Variants in EPHA4 observed in about 807,000 individuals in gnomAD.
The protein encoded by EPHA4 is ephrin type-A receptor 4.
A neutral mutation model predicts 108.3 loss-of-function variants in EPHA4; 19 were observed. The observed-to-expected ratio is 0.18, with a 90% CI of 0.12 to 0.26. The LOEUF is 0.26. Ranked by LOEUF, EPHA4 falls within the 10% of genes least tolerant of loss-of-function variation. The probability of loss-of-function intolerance (pLI) is 1.00; values close to 1 mark genes in which losing one functional copy is unlikely to be tolerated. For synonymous variants in EPHA4, 449 were observed against 455.5 expected, an observed-to-expected ratio of 0.99 and a Z score of 0.18; for missense variants, 917 against 1,254.0, an observed-to-expected ratio of 0.73 and a Z score of 4.06.
chr2:221,486,406 G>C (rs887469343), intron 4 of EPHA4, among the ~76,000 whole-genome samples: 1 of 152,044 alleles, frequency 6.6e-6, no homozygotes, highest in African/African-American at 2.4e-5. Flanking sequence ...TTCCATGTCT[G>C]TTTCTATCAC....
At chr2:221,440,345 C>T (rs1452803401) in intron 11 of EPHA4, among the ~76,000 whole-genome samples, 1 of 152,144 alleles carries the variant, frequency 6.6e-6, no homozygotes, top group Non-Finnish European at 1.5e-5. Flanking sequence ...TGCAGAGGTG[C>T]TAGGAAAATC....
chr2:221,443,237 T>C (rs1264763974), intron 10 of EPHA4, among the ~76,000 whole-genome samples: 2 of 150,260 alleles, frequency 1.3e-5, no homozygotes, highest in Admixed American at 1.3e-4. Flanking sequence ...CACAAAATCT[T>C]AGTTAGTAAG....
intron 3 of EPHA4, 82 bp downstream of exon 3, chr2:221,563,649 G>T: frequency 6.7e-7 from 1 of 1,497,950 alleles, no homozygotes. Flanking sequence ...CTAATTACTG[G>T]CTTTACTCCA....
chr2:221,456,172 T>TAAA (rs79021977), intron 7 of EPHA4, among the ~76,000 whole-genome samples: 34 of 140,688 alleles, frequency 2.4e-4, no homozygotes, highest in South Asian at 6.8e-4. Flanking sequence ...AAAGGGTCTT[T>TAAA]AAAAAAAAAA....
chr2:221,445,364 C>G (rs913240148), intron 9 of EPHA4, among the ~76,000 whole-genome samples: 1 of 151,840 alleles, frequency 6.6e-6, no homozygotes, highest in Non-Finnish European at 1.5e-5. Flanking sequence ...CCGAGGCGGG[C>G]GGATCACGAG....
chr2:221,557,705 T>G (rs1694345410), intron 3 of EPHA4, among the ~76,000 whole-genome samples: 1 of 152,178 alleles, frequency 6.6e-6, no homozygotes, highest in South Asian at 2.1e-4. Context: ...AAGGACCCAA[T>G]TGAGTAGAAA....
intron 8 of EPHA4, 47 bp downstream of exon 8, chr2:221,455,500 A>T: frequency 2.1e-6 from 3 of 1,434,500 alleles, no homozygotes; most frequent in Non-Finnish European, 2.9e-6. Context: ...ACCATCATAA[A>T]CACTGGGAAG....
chr2:221,521,135 G>A (rs538768891), intron 3 of EPHA4, among the ~76,000 whole-genome samples: 1 of 152,148 alleles, frequency 6.6e-6, no homozygotes, highest in African/African-American at 2.4e-5. Context: ...GATAATTCTT[G>A]TAAGAATTCT....
Position 221,426,028 on chromosome 2 carries a change from T to C in EPHA4, c.2961A>G (p.Ter987TrpextTer5), listed in dbSNP as rs779080753. 1.7e-5 allele frequency: 27 copies of C among 1,613,894 alleles called. No homozygotes were observed. The highest frequency in any genetic ancestry group is 2.3e-5 in the Non-Finnish European group (27 of 1,179,762). Residue 987 changes from the stop codon to tryptophan, a stop_lost, in exon 17 of 18, where the codon TGA becomes TGG. Coordinates refer to ENST00000281821, the MANE Select transcript of EPHA4 (RefSeq NM_004438.5). ...QQMHGRMVPV[*>W] ...AGTTTTGAGTTTATTCAGTACTGGC[T>C]CAGACGGGAACCATTCTGCCGTGCA...
Position 221,426,559 on chromosome 2 carries a change from G to C in EPHA4, c.2751C>G (p.Gly917=), listed in dbSNP as rs148626608. 2 of 1,614,022 alleles carry C rather than the reference G, an allele frequency of 1.2e-6. No individual in the cohort carries two copies. The highest frequency in any genetic ancestry group is 1.7e-6 in the Non-Finnish European group (2 of 1,180,012). ...CCATTTTAATGGCCTGGAGCCAATC[G>C]CCCACTGATACCACAGCAGAGAATT... ...SPEFSAVVSV[G]DWLQAIKMDR... The change falls in exon 16 of 18, where the codon GGC becomes GGG. Residue 917 remains glycine (G), a synonymous_variant. Transcript: ENST00000281821.
chr2:221,463,943 G>T (rs1464145196), intron 5 of EPHA4, among the ~76,000 whole-genome samples: 1 of 152,208 alleles, frequency 6.6e-6, no homozygotes, highest in Non-Finnish European at 1.5e-5. Flanking sequence ...GCTGAAGTAG[G>T]CTGACTGCAT....
chr2:221,529,928 G>A (rs1693456586), intron 3 of EPHA4, among the ~76,000 whole-genome samples: 1 of 152,160 alleles, frequency 6.6e-6, no homozygotes, highest in Admixed American at 6.5e-5. Context: ...ATTTTCATCT[G>A]AGGATGTCCG....
chr2:221,444,767 T>C (rs113540041), intron 9 of EPHA4, among the ~76,000 whole-genome samples: 108 of 107,872 alleles, frequency 1.0e-3, no homozygotes, highest in African/African-American at 4.0e-3. Context: ...TTTTTTTTTT[T>C]TTTTTCTGGA....
At chr2:221,443,800 TGCAGC>T (rs1690507281) in intron 9 of EPHA4, among the ~76,000 whole-genome samples, 194 bp from the exon 10 acceptor site, 1 of 152,250 alleles carries the variant, frequency 6.6e-6, no homozygotes, top group South Asian at 2.1e-4. Context: ...CTTAAGAGGC[TGCAGC>T]TTTACTGACT....
chr2:221,473,570 A>AC (rs1346390100), intron 5 of EPHA4, among the ~76,000 whole-genome samples: 2 of 151,388 alleles, frequency 1.3e-5, no homozygotes, highest in African/African-American at 2.4e-5. Flanking sequence ...AAAAAAAAAA[A>AC]AAAACTATTT....
chr2:221,480,864 A>G (rs189661598), intron 5 of EPHA4, among the ~76,000 whole-genome samples: 1 of 152,350 alleles, frequency 6.6e-6, no homozygotes, highest in Admixed American at 6.5e-5. Flanking sequence ...GGATTGGGAC[A>G]CTGGAATAGT....
At chr2:221,511,708 T>C (rs1453869300) in intron 3 of EPHA4, among the ~76,000 whole-genome samples, 2 of 152,244 alleles carry the variant, frequency 1.3e-5, no homozygotes, top group Admixed American at 6.5e-5. Context: ...TAGAGCATTG[T>C]TAGAAACAAA....
chr2:221,526,209 T>C (rs1177223406), intron 3 of EPHA4, among the ~76,000 whole-genome samples: 3 of 152,092 alleles, frequency 2.0e-5, no homozygotes, highest in African/African-American at 7.2e-5. Context: ...GTGTCAGGAT[T>C]TGAAGCAAGG....
rs542615630 is a variant in EPHA4, at chr2:221,553,788, C to T, written c.823+9943G>A. Among the ~76,000 whole-genome samples the T allele has an allele frequency of 1.5e-4, 23 of 152,282 alleles. 2 individuals are homozygous for T. The highest frequency in any genetic ancestry group is 5.5e-4 in the African/African-American group (23 of 41,562). On this transcript the variant is annotated intron_variant, in intron 3 of 17. Transcript: ENST00000281821. ...AAAAAATCCAATTTGCTTTGAAGCG[C>T]ATTAGTCTGTCTAACATCCTAATTA... is the stretch of plus-strand genomic sequence containing the variant.
Sources: allele counts gnomAD v4.1 joint callset (sites outside exome capture counted in the v4.1 genomes callset), GRCh38; gene constraint gnomAD v4.1.1; transcripts MANE v1.5; gene names NCBI Gene and HGNC (gene_info 2026-07-23, HGNC 2026-07-21).